Variants in SIL1 observed in about 807,000 individuals in gnomAD.
SIL1 encodes SIL1 nucleotide exchange factor, also known as nucleotide exchange factor SIL1.
A neutral mutation model predicts 49.1 loss-of-function variants in SIL1; 40 were observed. That is an observed-to-expected ratio of 0.81 (90% CI 0.63 to 1.06). The LOEUF (loss-of-function observed/expected upper bound fraction) is 1.06. Ranked by LOEUF, SIL1 falls within the 50% of genes least tolerant of loss-of-function variation. The probability of loss-of-function intolerance (pLI) is 0.00; values close to 1 mark genes in which losing one functional copy is unlikely to be tolerated. For missense variants in SIL1, 500 were observed against 572.6 expected, an observed-to-expected ratio of 0.87 and a Z score of 1.29; for synonymous variants, 253 against 250.8, an observed-to-expected ratio of 1.01 and a Z score of -0.08.
intron 3 of SIL1, among the ~76,000 whole-genome samples, chr5:139,059,365 A>G (rs1046135793): frequency 3.3e-5 from 5 of 152,180 alleles, no homozygotes; most frequent in African/African-American, 1.2e-4. Flanking sequence ...ACCTTCCACC[A>G]TGATTGTAAG....
intron 3 of SIL1, among the ~76,000 whole-genome samples, chr5:139,056,061 T>C (rs1478301715): frequency 7.9e-5 from 12 of 151,254 alleles, no homozygotes; most frequent in Admixed American, 2.0e-4. Context: ...CCTCCCAAAG[T>C]GCCGAGATTG....
At chr5:139,064,762 A>C (rs2150467873) in intron 3 of SIL1, among the ~76,000 whole-genome samples, 1 of 152,304 alleles carries the variant, frequency 6.6e-6, no homozygotes, top group Middle Eastern at 3.4e-3. Context: ...CAGACTCAGG[A>C]AGATCTGGTT....
At chr5:139,029,195 T>C (rs1768730306) in intron 5 of SIL1, among the ~76,000 whole-genome samples, 1 of 152,164 alleles carries the variant, frequency 6.6e-6, no homozygotes, top group South Asian at 2.1e-4. Context: ...GGTGGTAACT[T>C]TGGCAATGAA....
At chr5:139,185,633 T>A (rs1345837915) in intron 1 of SIL1, among the ~76,000 whole-genome samples, 2 of 152,220 alleles carry the variant, frequency 1.3e-5, no homozygotes, top group African/African-American at 2.4e-5. Context: ...TAGTGAAAAG[T>A]AAGTCTCCCT....
chr5:139,009,088 T>A (rs1426005721), intron 7 of SIL1, among the ~76,000 whole-genome samples: 2 of 151,752 alleles, frequency 1.3e-5, no homozygotes, highest in Admixed American at 1.3e-4. Context: ...TATTATTGTG[T>A]GGGAGTCTAA....
At chr5:139,022,274 C>T (rs1213558365) in intron 6 of SIL1, 1 of 152,260 alleles carries the variant, frequency 6.6e-6, no homozygotes, top group African/African-American at 2.4e-5. Context: ...CTTTCTCCTC[C>T]AGATTCCACA....
intron 1 of SIL1, among the ~76,000 whole-genome samples, chr5:139,140,964 A>T (rs550098095): frequency 6.6e-6 from 1 of 152,304 alleles, no homozygotes; most frequent in African/African-American, 2.4e-5. Context: ...CAGGGTTTCC[A>T]TCCTGTGCTT....
intron 3 of SIL1, among the ~76,000 whole-genome samples, chr5:139,102,917 T>C (rs924211282): frequency 1.3e-5 from 2 of 152,038 alleles, no homozygotes; most frequent in Non-Finnish European, 1.5e-5. Flanking sequence ...TTTCTCCATG[T>C]TGGTCAGGCT....
At chr5:139,102,667 G>A (rs1460703493) in intron 3 of SIL1, among the ~76,000 whole-genome samples, 1 of 150,520 alleles carries the variant, frequency 6.6e-6, no homozygotes, top group African/African-American at 2.4e-5. Flanking sequence ...TAGCACCCAA[G>A]ACAGAAAACA....
At chr5:139,060,462 G>T (rs1218451304) in intron 3 of SIL1, among the ~76,000 whole-genome samples, 1 of 151,314 alleles carries the variant, frequency 6.6e-6, no homozygotes, top group Admixed American at 6.6e-5. Context: ...AGTAGATAGT[G>T]TGTTGTTTCC....
At chr5:139,016,765 C>G (rs1201697247) in intron 7 of SIL1, 1 of 152,022 alleles carries the variant, frequency 6.6e-6, no homozygotes, top group Non-Finnish European at 1.5e-5. Context: ...ATTTCAGGGA[C>G]AGAAACCAGA....
chr5:139,161,071 T>C (rs1296337526), intron 1 of SIL1, among the ~76,000 whole-genome samples: 2 of 151,932 alleles, frequency 1.3e-5, no homozygotes, highest in Non-Finnish European at 2.9e-5. Context: ...TGGTGAAACC[T>C]CGTCTCTACT....
chr5:139,032,932 G>C (rs901658562), intron 5 of SIL1: 2 of 152,060 alleles, frequency 1.3e-5, no homozygotes, highest in Admixed American at 1.3e-4. Context: ...CTTGATACAG[G>C]TAATTTTTAT....
At chr5:139,018,282 C>T (rs1256671968) in intron 7 of SIL1, among the ~76,000 whole-genome samples, 3 of 152,056 alleles carry the variant, frequency 2.0e-5, no homozygotes, top group Non-Finnish European at 4.4e-5. Flanking sequence ...CAAATAAATG[C>T]CCTCAATGAA....
At chr5:139,077,337 C>CA (rs1297520638) in intron 3 of SIL1, among the ~76,000 whole-genome samples, 5 of 152,128 alleles carry the variant, frequency 3.3e-5, no homozygotes, top group Non-Finnish European at 5.9e-5. Flanking sequence ...AAATCACTTC[C>CA]AAACTACAAA....
chr5:139,089,510 T>C (rs1770295020), intron 3 of SIL1, among the ~76,000 whole-genome samples: 1 of 148,148 alleles, frequency 6.8e-6, no homozygotes, highest in Non-Finnish European at 1.5e-5. Context: ...CTCATCAGCA[T>C]TTATAAATAG....
intron 1 of SIL1, among the ~76,000 whole-genome samples, chr5:139,180,372 A>C: frequency 1.9e-5 from 2 of 104,536 alleles, no homozygotes; most frequent in South Asian, 3.5e-4. Context: ...CAAGAGCAAA[A>C]CTCCATCTCA....
chr5:139,097,728 G>A (rs371433682), intron 3 of SIL1, among the ~76,000 whole-genome samples: 16 of 151,804 alleles, frequency 1.1e-4, no homozygotes, highest in African/African-American at 3.4e-4. Context: ...TGCCCACCTC[G>A]GCCTCCCAAA....
At chr5:139,093,138 C>CCA (rs1561859090) in intron 3 of SIL1, among the ~76,000 whole-genome samples, 1 of 152,158 alleles carries the variant, frequency 6.6e-6, no homozygotes, top group African/African-American at 2.4e-5. Flanking sequence ...TGTTCCCCCC[C>CCA]ACAAAAGGCA....
Sources: gnomAD v4.1 joint callset for allele counts (sites outside exome capture counted in the v4.1 genomes callset) on GRCh38, gnomAD v4.1.1 for gene constraint, MANE v1.5 for transcripts, NCBI Gene and HGNC (gene_info 2026-07-23, HGNC 2026-07-21) for gene names.